Variants in OBI1 observed in about 807,000 individuals in gnomAD.
OBI1 encodes ORC ubiquitin ligase 1, also known as ring finger protein 219.
Under a neutral mutation model 62.4 loss-of-function variants are expected in OBI1, and 59 were observed. The ratio of observed to expected loss-of-function variants is 0.95; its 90% CI spans 0.77 to 1.17. The LOEUF (loss-of-function observed/expected upper bound fraction) is 1.17. Among genes scored for constraint, OBI1 ranks in the 50% most tolerant of loss-of-function variants. The probability of loss-of-function intolerance (pLI) is 0.00; values close to 1 mark genes in which losing one functional copy is unlikely to be tolerated. For missense variants in OBI1, 875 were observed against 830.9 expected (o/e 1.05, Z -0.65); for synonymous variants, 302 against 292.8 (o/e 1.03, Z -0.32).
At chr13:78,635,553 A>G (rs1876001540) in intron 4 of OBI1, among the ~76,000 whole-genome samples, 1 of 152,186 alleles carries the variant, frequency 6.6e-6, no homozygotes, top group South Asian at 2.1e-4. Flanking sequence ...ATTATACCAC[A>G]TGCAATATCG....
Position 78,631,028 on chromosome 13 carries a change from G to T in OBI1, c.638+4082C>A, listed in dbSNP as rs1335205057. On this transcript the variant is annotated intron_variant, in intron 5 of 5. Transcript: ENST00000282003. ...AGTCCACATTGCATTTGGTTATTAT[G>T]TTTCATAGTTCTTTTTTACTGTAAA... is the stretch of plus-strand genomic sequence containing the variant. Among the ~76,000 whole-genome samples the T allele has an allele frequency of 1.3e-5, 2 of 152,062 alleles. 1 individual carries two copies. The highest frequency in any genetic ancestry group is 3.9e-4 in the East Asian group (2 of 5,158).
chr13:78,632,122 G>T (rs1345582494), intron 5 of OBI1, among the ~76,000 whole-genome samples: 1 of 152,054 alleles, frequency 6.6e-6, no homozygotes, highest in Non-Finnish European at 1.5e-5. Context: ...TAATGTGTCT[G>T]TATTTGGAGA....
At chr13:78,638,792 C>T in intron 4 of OBI1, 31 bp downstream of exon 4, 1 of 1,572,696 alleles carries the variant, frequency 6.4e-7, no homozygotes, top group Non-Finnish European at 8.6e-7. Context: ...TTAAAAACAA[C>T]CATAATAGAT....
chr13:78,659,109 G>T lies in OBI1; in HGVS notation c.12C>A (p.Thr4=), dbSNP rs753705937. The change falls in exon 1 of 6, where the codon ACC becomes ACA. Residue 4 remains threonine (T), a synonymous_variant. Transcript: ENST00000282003. ...TGAGCGACAATGTAACATTCTGCAC[G>T]GTCTGAGCCATGGCAGCGTTCAGAA... The part of the protein sequence containing the change: MAQ[T]VQNVTLSLTL... 3.1e-6 allele frequency: 5 copies of T among 1,611,692 alleles called. No individual in the cohort carries two copies. Among genetic ancestry groups the T allele is most frequent in the East Asian group, 2.2e-5 (1 of 44,622 alleles).
chr13:78,626,710 G>A (rs965403784), intron 5 of OBI1, among the ~76,000 whole-genome samples: 2 of 152,112 alleles, frequency 1.3e-5, no homozygotes, highest in African/African-American at 4.8e-5. Flanking sequence ...AAGAAGCGAG[G>A]GGCTAGAGAA....
At chr13:78,624,158 G>A (rs1875597038) in intron 5 of OBI1, among the ~76,000 whole-genome samples, 2 of 152,062 alleles carry the variant, frequency 1.3e-5, no homozygotes, top group African/African-American at 4.8e-5. Context: ...ACATCACATG[G>A]GTTATTTCTC....
intron 3 of OBI1, among the ~76,000 whole-genome samples, chr13:78,641,031 C>G (rs918469800): frequency 2.6e-5 from 4 of 152,120 alleles, no homozygotes; most frequent in Non-Finnish European, 5.9e-5. Flanking sequence ...AAACCAGTCA[C>G]TAAACATTTG....
At chr13:78,645,250 A>G (rs990149242) in intron 1 of OBI1, among the ~76,000 whole-genome samples, 11 of 152,088 alleles carry the variant, frequency 7.2e-5, no homozygotes, top group African/African-American at 2.7e-4. Flanking sequence ...TTTGTACCTA[A>G]ACCACAGAAT....
At position 78,615,615 on chromosome 13, in the gene OBI1, A is replaced by G. The variant is rs201283125; in HGVS notation, c.2146T>C (p.Ser716Pro). The change falls in exon 6 of 6, where the codon TCC (serine) becomes CCC (proline). Residue 716 changes from serine to proline, a missense_variant. Physicochemically the swap from Ser to Pro is moderately conservative, Grantham distance 74 (BLOSUM62 -1). Coordinates refer to ENST00000282003, the MANE Select transcript of OBI1 (RefSeq NM_024546.4). ...GTTGCTTTTGATGGGCTGGCACTGGAAAGGCTGCTCTGGATTTTTCTTTTT... is the reference window on the plus strand; with the variant it reads ...GTTGCTTTTGATGGGCTGGCACTGGGAAGGCTGCTCTGGATTTTTCTTTTT... ...STKRKIQSSL[S>P]SASPSKATKS 1.7e-4 allele frequency: 277 copies of G among 1,612,480 alleles called. 4 individuals carry two copies. In the East Asian group the frequency reaches 6.1e-3, roughly 36 times the overall value.
chr13:78,621,309 CCTTCA>C (rs1471900375), intron 5 of OBI1, among the ~76,000 whole-genome samples: 1 of 152,152 alleles, frequency 6.6e-6, no homozygotes, highest in Non-Finnish European at 1.5e-5. Context: ...TGAAGTAAAA[CCTTCA>C]CTTCTAGCTT....
chr13:78,635,038 C>G (rs1345358023), intron 5 of OBI1, 72 bp downstream of exon 5: 1 of 877,812 alleles, frequency 1.1e-6, no homozygotes, highest in African/African-American at 1.8e-5. Flanking sequence ...AAACAAAAAA[C>G]AAACCCTCAC....
At chr13:78,619,771 A>C (rs35617205) in intron 5 of OBI1, among the ~76,000 whole-genome samples, 11,184 of 152,208 alleles carry the variant, frequency 0.073, 747 homozygotes, top group African/African-American at 0.18. Flanking sequence ...TCCTAGAACA[A>C]TTCCTGGTAT....
Position 78,644,716 on chromosome 13 carries a change from T to C in OBI1, c.208+146A>G. ...CCTTGTGCCCCAGTTGCTCCACATATACATTACACAAATTACTCAACCACT... is the reference window on the plus strand; with the variant it reads ...CCTTGTGCCCCAGTTGCTCCACATACACATTACACAAATTACTCAACCACT... On this transcript the variant is annotated intron_variant, in intron 2 of 5. Transcript: ENST00000282003. 10 of 852,516 alleles carry C rather than the reference T, an allele frequency of 1.2e-5. 1 individual carries two copies. The Admixed American group carries it at 1.4e-4, about 12-fold the overall frequency. 52.8% of individuals were successfully genotyped at this position (852,516 alleles called of 1,614,324 possible). A position where few individuals can be genotyped will look rare whatever the true frequency, so the allele number is the denominator to read the frequency against.
At chr13:78,622,659 A>G (rs1052497501) in intron 5 of OBI1, among the ~76,000 whole-genome samples, 3 of 152,204 alleles carry the variant, frequency 2.0e-5, no homozygotes, top group Non-Finnish European at 4.4e-5. Context: ...TCTTAATTAT[A>G]TCTCCCAACA....
At chr13:78,633,546 G>C (rs1167929873) in intron 5 of OBI1, among the ~76,000 whole-genome samples, 2 of 152,188 alleles carry the variant, frequency 1.3e-5, no homozygotes, top group Non-Finnish European at 2.9e-5. Context: ...TGGGAAGAAA[G>C]TGTGGTGTTC....
chr13:78,615,765 G>A lies in OBI1; in HGVS notation c.1996C>T (p.Gln666Ter). Residue 666 changes from glutamine (Q) to a stop codon, truncating the protein, a stop_gained, in exon 6 of 6, where the codon CAA becomes TAA. Transcript: ENST00000282003. LOFTEE classifies it high-confidence loss of function. ...LSSSHRLFED[Q>*]RFGSSLFKMS... ...TTAAACAAAGATGACCCAAATCTTTGATCTTCAAATAGTCGATGTGAACTG... is the reference window on the plus strand; with the variant it reads ...TTAAACAAAGATGACCCAAATCTTTAATCTTCAAATAGTCGATGTGAACTG... 5 of 1,613,846 alleles carry A rather than the reference G, an allele frequency of 3.1e-6. No individual in the cohort carries two copies. In the African/African-American group the frequency reaches 4.0e-5, roughly 13 times the overall value.
chr13:78,653,423 G>A (rs1272548605), intron 1 of OBI1, among the ~76,000 whole-genome samples: 1 of 152,200 alleles, frequency 6.6e-6, no homozygotes, highest in Non-Finnish European at 1.5e-5. Context: ...TAATAAGCTA[G>A]TGGGGCTGTT....
At position 78,641,982 on chromosome 13, in the gene OBI1, T is replaced by C; in HGVS notation, c.300+140A>G. ...ACGAAAGGAAAAAAGAAAAAAGAAT[T>C]TATCAAACAATTTCTTTTTATAGGC... On this transcript the variant is annotated intron_variant, in intron 3 of 5. Transcript: ENST00000282003. The C allele has an allele frequency of 9.4e-6, 4 of 424,556 alleles. No individual in the cohort carries two copies. The Admixed American group carries it at 1.3e-4, about 13-fold the overall frequency. 26.3% of individuals were successfully genotyped at this position (424,556 alleles called of 1,614,324 possible). A position where few individuals can be genotyped will look rare whatever the true frequency, so the allele number is the denominator to read the frequency against.
intron 3 of OBI1, among the ~76,000 whole-genome samples, chr13:78,640,624 C>T (rs965029104): frequency 6.6e-6 from 1 of 151,908 alleles, no homozygotes; most frequent in African/African-American, 2.4e-5. Context: ...CATGATGAAA[C>T]CTCGCCTCTA....
Sources: gnomAD v4.1 joint callset for allele counts (sites outside exome capture counted in the v4.1 genomes callset) on GRCh38, gnomAD v4.1.1 for gene constraint, MANE v1.5 for transcripts, NCBI Gene and HGNC (gene_info 2026-07-23, HGNC 2026-07-21) for gene names.